KIAA1217: variants seen among roughly 807,000 people sequenced by gnomAD.
KIAA1217 encodes the protein sickle tail protein homolog.
KIAA1217 carries 88 observed loss-of-function variants against 163.9 expected under a neutral mutation model. That is an observed-to-expected ratio of 0.54 (90% CI 0.45 to 0.64). The LOEUF (loss-of-function observed/expected upper bound fraction) is 0.64. Ranked by LOEUF, KIAA1217 falls within the 30% of genes least tolerant of loss-of-function variation. The pLI, the probability that KIAA1217 is intolerant of heterozygous loss-of-function variation, is 0.00. For missense variants in KIAA1217, 2,372 were observed against 2,475.0 expected, an observed-to-expected ratio of 0.96 and a Z score of 0.88; for synonymous variants, 903 against 923.1, an observed-to-expected ratio of 0.98 and a Z score of 0.39.
chr10:23,888,402 G>A (rs1320505191), intron 1 of KIAA1217, among the ~76,000 whole-genome samples: 2 of 151,894 alleles, frequency 1.3e-5, no homozygotes, highest in Non-Finnish European at 2.9e-5. Flanking sequence ...AGGGAGAAGT[G>A]AGTGAGATAG....
chr10:23,916,136 C>T (rs188351201), intron 1 of KIAA1217, among the ~76,000 whole-genome samples: 2 of 152,110 alleles, frequency 1.3e-5, no homozygotes, highest in Admixed American at 1.3e-4. Context: ...TGTCTTCTTG[C>T]CCTATTCCAA....
intron 1 of KIAA1217, among the ~76,000 whole-genome samples, chr10:23,734,192 G>A (rs1050133743): frequency 6.6e-6 from 1 of 151,670 alleles, no homozygotes; most frequent in Non-Finnish European, 1.5e-5. Flanking sequence ...CTGCACTTAT[G>A]TTTTCTTCCC....
intron 10 of KIAA1217, among the ~76,000 whole-genome samples, chr10:24,516,688 A>C (rs1027233398): frequency 5.3e-5 from 8 of 152,174 alleles, no homozygotes; most frequent in Non-Finnish European, 2.9e-5. Context: ...ACTGATTAAG[A>C]GGAAAATAGA....
rs918929039 is a variant in KIAA1217, at chr10:24,475,820, G to C, written c.1679+1760G>C. Among the ~76,000 whole-genome samples the C allele has an allele frequency of 5.9e-5, 9 of 152,318 alleles. 1 individual carries two copies. Among genetic ancestry groups the C allele is most frequent in the Admixed American group, 2.0e-4 (3 of 15,298 alleles). On this transcript the variant is annotated intron_variant, in intron 6 of 20. Transcript: ENST00000376454. ...TGTGCGATAAGTCTTGGAAGCCTGTGTTGCATACTTCACAGAAAGGATAAC... is the reference window on the plus strand; with the variant it reads ...TGTGCGATAAGTCTTGGAAGCCTGTCTTGCATACTTCACAGAAAGGATAAC...
At chr10:24,519,955 C>G (rs888283302) in intron 10 of KIAA1217, among the ~76,000 whole-genome samples, 168 bp from the exon 11 acceptor site, 3 of 152,166 alleles carry the variant, frequency 2.0e-5, no homozygotes, top group Non-Finnish European at 2.9e-5. Flanking sequence ...ATGTTCCCAG[C>G]CACTGTTAAA....
intron 17 of KIAA1217, among the ~76,000 whole-genome samples, chr10:24,539,585 C>T (rs994341351): frequency 6.6e-6 from 1 of 152,108 alleles, no homozygotes; most frequent in Non-Finnish European, 1.5e-5. Context: ...AATCCATATC[C>T]CATTGGTCTC....
Position 24,336,921 on chromosome 10 carries a change from C to A in KIAA1217, c.355-43948C>A, listed in dbSNP as rs2046417109. 3.3e-5 allele frequency among the ~76,000 whole-genome samples: 5 copies of A among 152,082 alleles called. No homozygotes were observed. The South Asian group carries it at 1.0e-3, about 31-fold the overall frequency. On this transcript the variant is annotated intron_variant, in intron 2 of 20. Transcript: ENST00000376454. ...ATACAAAAATTAATTCAAAATGGAT[C>A]AAACATCTAAATATAAGAGCTAAAA...
chr10:23,759,785 A>G (rs905382121), intron 1 of KIAA1217, among the ~76,000 whole-genome samples: 2 of 152,238 alleles, frequency 1.3e-5, no homozygotes, highest in Non-Finnish European at 2.9e-5. Flanking sequence ...CAAAGTGCTT[A>G]ACTTCTGTGA....
chr10:23,982,126 G>A (rs1260679708), intron 1 of KIAA1217, among the ~76,000 whole-genome samples: 2 of 151,898 alleles, frequency 1.3e-5, no homozygotes, highest in East Asian at 3.9e-4. Flanking sequence ...TAATAATAGT[G>A]CCCCTAGTGA....
intron 3 of KIAA1217, among the ~76,000 whole-genome samples, chr10:24,415,161 T>G (rs2058135075): frequency 6.8e-6 from 1 of 147,894 alleles, no homozygotes; most frequent in African/African-American, 2.6e-5. Flanking sequence ...GTCACCCAGG[T>G]TGGAGCACAG....
intron 8 of KIAA1217, among the ~76,000 whole-genome samples, chr10:24,498,036 G>A (rs562729923): frequency 5.3e-5 from 8 of 152,020 alleles, no homozygotes; most frequent in Non-Finnish European, 1.0e-4. Context: ...TGTGGAAGAC[G>A]AGTGGAAATA....
At chr10:23,711,624 C>T (rs1457959016) in intron 1 of KIAA1217, among the ~76,000 whole-genome samples, 1 of 152,156 alleles carries the variant, frequency 6.6e-6, no homozygotes, top group African/African-American at 2.4e-5. Flanking sequence ...TGGGGACCTG[C>T]ACAGATGTGC....
At chr10:24,269,316 A>C (rs2076557881) in intron 2 of KIAA1217, among the ~76,000 whole-genome samples, 1 of 151,480 alleles carries the variant, frequency 6.6e-6, no homozygotes, top group South Asian at 2.1e-4. Flanking sequence ...GGAGGCCAGG[A>C]GTTTGAGACC....
chr10:23,754,176 T>A (rs1384223989), intron 1 of KIAA1217, among the ~76,000 whole-genome samples: 1 of 152,206 alleles, frequency 6.6e-6, no homozygotes, highest in Non-Finnish European at 1.5e-5. Flanking sequence ...CACTCAATAT[T>A]TGTTAAACAT....
intron 1 of KIAA1217, among the ~76,000 whole-genome samples, chr10:23,857,165 G>A (rs932106479): frequency 1.3e-5 from 2 of 152,108 alleles, no homozygotes; most frequent in African/African-American, 4.8e-5. Flanking sequence ...GCTCTCTCAG[G>A]GATTACAATT....
At chr10:23,959,911 CTTT>C (rs1326171008) in intron 1 of KIAA1217, among the ~76,000 whole-genome samples, 2 of 106,264 alleles carry the variant, frequency 1.9e-5, no homozygotes, top group Admixed American at 1.0e-4. Flanking sequence ...TCATAGACTT[CTTT>C]TTTTTTTTTT....
At chr10:23,907,039 C>G (rs1481676265) in intron 1 of KIAA1217, among the ~76,000 whole-genome samples, 1 of 152,064 alleles carries the variant, frequency 6.6e-6, no homozygotes, top group East Asian at 1.9e-4. Context: ...CTGTCTGAGG[C>G]AGCGTACAGT....
chr10:24,298,716 T>G (rs1265470319), intron 2 of KIAA1217, among the ~76,000 whole-genome samples: 1 of 152,116 alleles, frequency 6.6e-6, no homozygotes, highest in African/African-American at 2.4e-5. Flanking sequence ...GAGAATCACT[T>G]GAACTTGGAA....
intron 3 of KIAA1217, among the ~76,000 whole-genome samples, chr10:24,419,195 G>C (rs899837570): frequency 7.0e-6 from 1 of 143,662 alleles, no homozygotes; most frequent in Non-Finnish European, 1.5e-5. Flanking sequence ...AAAAAAGAAA[G>C]AAAATCTCAT....
Sources: gnomAD v4.1 joint callset for allele counts (sites outside exome capture counted in the v4.1 genomes callset) on GRCh38, gnomAD v4.1.1 for gene constraint, MANE v1.5 for transcripts, NCBI Gene and HGNC (gene_info 2026-07-23, HGNC 2026-07-21) for gene names.